Variants in COG5 observed in about 807,000 individuals in gnomAD.
COG5 encodes the protein component of oligomeric golgi complex 5, also known as conserved oligomeric Golgi complex subunit 5.
Under a neutral mutation model 110.4 loss-of-function variants are expected in COG5, and 86 were observed. That is an observed-to-expected ratio of 0.78 (90% CI 0.65 to 0.93). The LOEUF (loss-of-function observed/expected upper bound fraction) is 0.93, where lower values mean the gene tolerates loss of function less well. COG5 is among the 40% of genes least tolerant of loss of function. The pLI, the probability that COG5 is intolerant of heterozygous loss-of-function variation, is 0.00. For missense variants in COG5, 1,077 were observed against 987.0 expected (o/e 1.09, Z -1.22); for synonymous variants, 360 against 334.6 (o/e 1.08, Z -0.83).
At chr7:107,448,122 C>T (rs1410182133) in intron 6 of COG5, among the ~76,000 whole-genome samples, 3 of 152,158 alleles carry the variant, frequency 2.0e-5, no homozygotes, top group Non-Finnish European at 2.9e-5. Context: ...TGCCACTGTA[C>T]TCCAGCCTGG....
At chr7:107,299,865 T>TATATA (rs1807101115) in intron 11 of COG5, among the ~76,000 whole-genome samples, 1 of 103,186 alleles carries the variant, frequency 9.7e-6, no homozygotes, top group South Asian at 3.1e-4. Flanking sequence ...ATATCTGGAA[T>TATATA]TATCTGGAAT....
intron 6 of COG5, among the ~76,000 whole-genome samples, chr7:107,434,027 G>C (rs960631695): frequency 1.3e-5 from 2 of 152,114 alleles, no homozygotes; most frequent in Admixed American, 1.3e-4. Context: ...CTAAAGATGA[G>C]AGACAGGTGG....
chr7:107,325,602 G>A (rs1334783229), intron 10 of COG5, among the ~76,000 whole-genome samples: 1 of 152,186 alleles, frequency 6.6e-6, no homozygotes, highest in Non-Finnish European at 1.5e-5. Flanking sequence ...AGTGAGCCAA[G>A]ATTGCGCCAC....
intron 6 of COG5, among the ~76,000 whole-genome samples, chr7:107,467,692 T>C (rs190969107): frequency 2.2e-4 from 34 of 152,260 alleles, no homozygotes; most frequent in African/African-American, 7.7e-4. Context: ...AATCTGATTC[T>C]CAATCAGTAG....
chr7:107,474,086 TC>T lies in COG5; in HGVS notation c.538+53150del, dbSNP rs1194053366. The stretch of plus-strand genomic sequence containing the variant: ...ATGTGTTTTTCTCCCATTCTGGAAA[TC>T]AACATGCAGTCTGAATCTAACATTA... On this transcript the variant is annotated intron_variant, in intron 6 of 21. Transcript: ENST00000297135. This position sits in a 1 kb window ranked among gnomAD's most constrained non-coding sequence, Gnocchi z 5.7. 1 of 1,574,492 alleles carries T rather than the reference TC, an allele frequency of 6.4e-7. No homozygotes were observed. The highest frequency in any genetic ancestry group is 8.6e-7 in the Non-Finnish European group (1 of 1,158,354).
At chr7:107,248,298 C>G in intron 17 of COG5, 98 bp downstream of exon 17, 1 of 805,208 alleles carries the variant, frequency 1.2e-6, no homozygotes, top group Non-Finnish European at 2.2e-6. Context: ...GGAACAAGGC[C>G]CTGGATGGCA....
At chr7:107,511,649 C>T (rs1206246369) in intron 6 of COG5, among the ~76,000 whole-genome samples, 1 of 152,062 alleles carries the variant, frequency 6.6e-6, no homozygotes, top group Non-Finnish European at 1.5e-5. Flanking sequence ...ATCCTCAATA[C>T]AATACTGGCA....
chr7:107,536,089 A>T (rs1801563982), intron 5 of COG5, among the ~76,000 whole-genome samples: 1 of 152,108 alleles, frequency 6.6e-6, no homozygotes, highest in Non-Finnish European at 1.5e-5. Context: ...AGAAAAGGCC[A>T]CAAAATTCAA....
At chr7:107,315,820 T>C (rs532145490) in intron 11 of COG5, among the ~76,000 whole-genome samples, 21 of 152,288 alleles carry the variant, frequency 1.4e-4, no homozygotes, top group Non-Finnish European at 7.4e-5. Context: ...ACAACTTACT[T>C]TGGAGTTCTC....
At chr7:107,322,594 G>A (rs899682871) in intron 11 of COG5, among the ~76,000 whole-genome samples, 2 of 152,122 alleles carry the variant, frequency 1.3e-5, no homozygotes, top group African/African-American at 4.8e-5. Flanking sequence ...TGGCAAAAAT[G>A]TGGAGCAACT....
intron 6 of COG5, among the ~76,000 whole-genome samples, chr7:107,467,912 G>A (rs953208291): frequency 5.3e-5 from 8 of 152,042 alleles, no homozygotes; most frequent in African/African-American, 1.9e-4. Flanking sequence ...GTCTGTGCTC[G>A]AGCTACCATT....
At chr7:107,273,149 G>A (rs1804418123) in intron 14 of COG5, among the ~76,000 whole-genome samples, 1 of 152,032 alleles carries the variant, frequency 6.6e-6, no homozygotes, top group African/African-American at 2.4e-5. Flanking sequence ...TGTCACACTG[G>A]GATACTGCAG....
chr7:107,264,159 C>A (rs1803600519), intron 14 of COG5, among the ~76,000 whole-genome samples: 1 of 152,100 alleles, frequency 6.6e-6, no homozygotes, highest in Non-Finnish European at 1.5e-5. Context: ...TAGAAGACAT[C>A]AATAATCAAT....
At chr7:107,282,141 TTC>T (rs1233174061) in intron 13 of COG5, among the ~76,000 whole-genome samples, 1 of 152,136 alleles carries the variant, frequency 6.6e-6, no homozygotes. Context: ...TCTTACCAGA[TTC>T]TCTTTTTAAA....
chr7:107,250,854 C>T (rs771996530), intron 16 of COG5, among the ~76,000 whole-genome samples: 1 of 151,710 alleles, frequency 6.6e-6, no homozygotes. Context: ...AGAAAAAATA[C>T]TAAAAAATAA....
rs1281121418 is a variant in COG5, at chr7:107,507,293, TTTTC to T, written c.538+19940_538+19943del. On this transcript the variant is annotated intron_variant, in intron 6 of 21. Coordinates refer to ENST00000297135, the MANE Select transcript of COG5 (RefSeq NM_006348.5). ...AGCCTTGAAATAAAACTTCCTTTTC[TTTTC>T]TTTTTTTTTTTTTTTTGAGATGGAG... Among the ~76,000 whole-genome samples, 92 of 140,468 alleles carry T rather than the reference TTTTC, an allele frequency of 6.5e-4. No individual in the cohort carries two copies. In the East Asian group the frequency reaches 0.017, roughly 26 times the overall value. The allele number at this position is 140,468 out of a possible 152,430, so 92.2% of individuals were successfully genotyped here. A position where few individuals can be genotyped will look rare whatever the true frequency, so the allele number is the denominator to read the frequency against.
At chr7:107,403,910 AT>A (rs945644009) in intron 7 of COG5, among the ~76,000 whole-genome samples, 1 of 152,000 alleles carries the variant, frequency 6.6e-6, no homozygotes, top group Non-Finnish European at 1.5e-5. Flanking sequence ...TATTATTATT[AT>A]TATTATTATT....
At chr7:107,237,707 G>A (rs1157240909) in intron 17 of COG5, among the ~76,000 whole-genome samples, 1 of 152,198 alleles carries the variant, frequency 6.6e-6, no homozygotes, top group Non-Finnish European at 1.5e-5. Context: ...TTTCATACAG[G>A]TATAAGACTG....
rs1225216145 is a variant in COG5, at chr7:107,310,923, G to GC, written c.1109-12578_1109-12577insG. ...ATCAATAAAAGTTCTCAGCACATAT[G>GC]TAAAAAAAAAAAATCCATTCCATTC... On this transcript the variant is annotated intron_variant, in intron 11 of 21. Transcript: ENST00000297135. 3.0e-3 allele frequency among the ~76,000 whole-genome samples: 448 copies of GC among 149,606 alleles called. 13 individuals carry two copies. The highest frequency in any genetic ancestry group is 0.023 in the Admixed American group (353 of 15,108).
Sources: allele counts gnomAD v4.1 joint callset (sites outside exome capture counted in the v4.1 genomes callset), GRCh38; gene constraint gnomAD v4.1.1; non-coding constraint Gnocchi (gnomAD v3.1); transcripts MANE v1.5; gene names NCBI Gene and HGNC (gene_info 2026-07-23, HGNC 2026-07-21).